The following LPCAT3 variants were observed in gnomAD, a reference collection of about 807,000 sequenced individuals.
LPCAT3 encodes lysophospholipid acyltransferase 5.
LPCAT3 carries 21 observed loss-of-function variants against 63.4 expected under a neutral mutation model. That is an observed-to-expected ratio of 0.33 (90% CI 0.23 to 0.48). The LOEUF (loss-of-function observed/expected upper bound fraction) is 0.48. LPCAT3 is among the 20% of genes least tolerant of loss of function. The pLI is 0.99. For missense variants in LPCAT3, 451 were observed against 590.6 expected, an observed-to-expected ratio of 0.76 and a Z score of 2.45; for synonymous variants, 242 against 227.5, an observed-to-expected ratio of 1.06 and a Z score of -0.58.
At chr12:7,016,698 C>G (rs982248239) in intron 1 of LPCAT3, among the ~76,000 whole-genome samples, 26 of 152,212 alleles carry the variant, frequency 1.7e-4, no homozygotes, top group African/African-American at 5.8e-4. Flanking sequence ...AATGTAAACA[C>G]TAATTGCTAA....
At position 6,982,736 on chromosome 12, in the gene LPCAT3, G is replaced by A; in HGVS notation, c.306C>T (p.Leu102=). The change falls in exon 3 of 13, where the codon CTC becomes CTT. Residue 102 remains leucine, a synonymous_variant. Coordinates refer to ENST00000261407, the MANE Select transcript of LPCAT3 (RefSeq NM_005768.6). Reference sequence around the variant, plus strand: ...TGGTGCGGCCCATTAGTCGAAGGATGAGGAACTGAAGCACAATACACAGCA... The same window carrying A: ...TGGTGCGGCCCATTAGTCGAAGGATAAGGAACTGAAGCACAATACACAGCA... ...HSLLCIVLQF[L]ILRLMGRTIT... is the part of the protein sequence containing the mutation. 6.2e-7 allele frequency: 1 copy of A among 1,614,086 alleles called. No individual in the cohort carries two copies. Among genetic ancestry groups the A allele is most frequent in the African/African-American group, 1.3e-5 (1 of 75,044 alleles).
Position 6,977,499 on chromosome 12 carries a change from G to A in LPCAT3, c.1215C>T (p.Pro405=), listed in dbSNP as rs141446248. The part of the protein sequence containing the change: ...RQAARLIQES[P]TLSKLAAITV... ...TAATGGCGGCCAGCTTGCTCAGGGTGGGGCTCTCTTGAATGAGCCTGGCAG... is the reference window on the plus strand; with the variant it reads ...TAATGGCGGCCAGCTTGCTCAGGGTAGGGCTCTCTTGAATGAGCCTGGCAG... The change falls in exon 11 of 13, where the codon CCC becomes CCT. Residue 405 remains proline (P), a synonymous_variant. Coordinates refer to ENST00000261407, the MANE Select transcript of LPCAT3 (RefSeq NM_005768.6). This position sits in a 1 kb window ranked among gnomAD's most constrained non-coding sequence, Gnocchi z 4.5. 2.0e-5 allele frequency: 32 copies of A among 1,614,088 alleles called. No homozygotes were observed. Among genetic ancestry groups the A allele is most frequent in the Non-Finnish European group, 2.7e-5 (32 of 1,180,046 alleles).
chr12:7,016,408 C>T (rs368566752), intron 1 of LPCAT3, among the ~76,000 whole-genome samples: 2 of 152,026 alleles, frequency 1.3e-5, no homozygotes, highest in African/African-American at 4.8e-5. Context: ...TCCCAAGTAG[C>T]TGGGATTACA....
chr12:7,005,574 A>G (rs997172933), intron 1 of LPCAT3, among the ~76,000 whole-genome samples: 2 of 152,136 alleles, frequency 1.3e-5, no homozygotes, highest in African/African-American at 4.8e-5. Context: ...GAGGGTTCCA[A>G]TTTCTCCGTA....
chr12:6,980,685 C>T (rs1215252960), intron 6 of LPCAT3: 3 of 176,154 alleles, frequency 1.7e-5, no homozygotes, highest in Non-Finnish European at 2.4e-5. Context: ...ATCAACCTGC[C>T]TACCTACCTA....
At chr12:6,998,339 T>C (rs782201884) in intron 1 of LPCAT3, among the ~76,000 whole-genome samples, 3 of 152,328 alleles carry the variant, frequency 2.0e-5, no homozygotes, top group East Asian at 1.9e-4. Context: ...CTAATGCCTA[T>C]TGAAGGTGTG....
At chr12:7,000,622 A>G (rs1385125318) in intron 1 of LPCAT3, among the ~76,000 whole-genome samples, 1 of 151,624 alleles carries the variant, frequency 6.6e-6, no homozygotes, top group Non-Finnish European at 1.5e-5. Flanking sequence ...AATATTTGCA[A>G]AAGTAGCATA....
chr12:7,018,162 C>A lies in LPCAT3; in HGVS notation c.151+112G>T, dbSNP rs952527074. On this transcript the variant is annotated intron_variant, in intron 1 of 12. Transcript: ENST00000261407. This position sits in a 1 kb window ranked among gnomAD's most constrained non-coding sequence, Gnocchi z 4.9. ...GTGTGCTTCAGGATTCACACCCGCA[C>A]CCGGCACAGCCCTCCCGGGTGGCTC... The A allele has an allele frequency of 1.1e-5, 14 of 1,302,984 alleles. No individual in the cohort carries two copies. The highest frequency in any genetic ancestry group is 1.5e-5 in the African/African-American group (1 of 68,106). 80.7% of individuals were successfully genotyped at this position (1,302,984 alleles called of 1,614,324 possible).
chr12:7,002,887 T>A (rs1457770745), intron 1 of LPCAT3, among the ~76,000 whole-genome samples: 1 of 152,094 alleles, frequency 6.6e-6, no homozygotes, highest in African/African-American at 2.4e-5. Context: ...CGGGCGCCTG[T>A]AATCCCAGCT....
chr12:7,011,741 A>G (rs782357411), intron 1 of LPCAT3, among the ~76,000 whole-genome samples: 7 of 152,322 alleles, frequency 4.6e-5, no homozygotes, highest in African/African-American at 1.7e-4. Flanking sequence ...GAACTAGAAT[A>G]AAGTCTAAAC....
chr12:7,007,284 C>CAGGT (rs1369898043), intron 1 of LPCAT3, among the ~76,000 whole-genome samples: 1 of 151,872 alleles, frequency 6.6e-6, no homozygotes, highest in African/African-American at 2.4e-5. Flanking sequence ...CTCCTGACCT[C>CAGGT]AGGTGATCCA....
intron 2 of LPCAT3, 171 bp downstream of exon 2, chr12:6,983,261 T>C (rs1230733523): frequency 3.5e-6 from 2 of 577,652 alleles, no homozygotes; most frequent in East Asian, 2.9e-5. Flanking sequence ...AGAATGTACA[T>C]AAAAGAAAAA....
At chr12:7,013,053 A>G (rs1282090708) in intron 1 of LPCAT3, among the ~76,000 whole-genome samples, 1 of 152,252 alleles carries the variant, frequency 6.6e-6, no homozygotes, top group Non-Finnish European at 1.5e-5. Context: ...CTACAAATAT[A>G]TAATTACAAA....
At chr12:6,979,193 T>A (rs1429085905) in intron 7 of LPCAT3, 1 of 477,778 alleles carries the variant, frequency 2.1e-6, no homozygotes, top group African/African-American at 2.0e-5. Flanking sequence ...CTCTGAGGGG[T>A]CACGTGGATG....
At chr12:6,984,798 TG>T (rs1946504717) in intron 1 of LPCAT3, among the ~76,000 whole-genome samples, 1 of 151,940 alleles carries the variant, frequency 6.6e-6, no homozygotes, top group Non-Finnish European at 1.5e-5. Context: ...TTGCCCAGGC[TG>T]GCCTTGACCT....
chr12:6,999,032 T>C (rs1175679537), intron 1 of LPCAT3, among the ~76,000 whole-genome samples: 1 of 152,222 alleles, frequency 6.6e-6, no homozygotes. Context: ...TAACCAGCTG[T>C]GTGCTCTTTT....
At position 6,979,591 on chromosome 12, in the gene LPCAT3, C is replaced by CTTCACTCGTTCCTTTCCA; in HGVS notation, c.678-13_678-12insTGGAAAGGAACGAGTGAA. ...GAGCAGGAATGATGCTGGAAAGGAA[C>CTTCACTCGTTCCTTTCCA]GAGTGAAGTTCCTGGTCACAGAGAG... On this transcript the variant is annotated splice_polypyrimidine_tract_variant and intron_variant, in intron 6 of 12. Transcript: ENST00000261407. 1 of 1,571,662 alleles carries CTTCACTCGTTCCTTTCCA rather than the reference C, an allele frequency of 6.4e-7. No homozygotes were observed. The highest frequency in any genetic ancestry group is 8.8e-7 in the Non-Finnish European group (1 of 1,141,388).
intron 1 of LPCAT3, among the ~76,000 whole-genome samples, chr12:7,016,526 C>T (rs1392314201): frequency 6.6e-6 from 1 of 152,270 alleles, no homozygotes; most frequent in Non-Finnish European, 1.5e-5. Context: ...ATCTGCCCAC[C>T]TTGGCCTCCC....
intron 1 of LPCAT3, among the ~76,000 whole-genome samples, chr12:6,990,189 A>AAAAT (rs1288533127): frequency 4.1e-5 from 6 of 147,932 alleles, no homozygotes; most frequent in Non-Finnish European, 6.0e-5. Context: ...CCCTGTCTCA[A>AAAAT]AAATAAATAA....
Sources: gnomAD v4.1 joint callset for allele counts (sites outside exome capture counted in the v4.1 genomes callset) on GRCh38, gnomAD v4.1.1 for gene constraint, Gnocchi (gnomAD v3.1) non-coding constraint, MANE v1.5 for transcripts, NCBI Gene and HGNC (gene_info 2026-07-23, HGNC 2026-07-21) for gene names.